IFT80: variants seen among roughly 807,000 people sequenced by gnomAD.
IFT80 encodes the protein intraflagellar transport 80, also known as intraflagellar transport protein 80 homolog.
IFT80 carries 79 observed loss-of-function variants against 107.9 expected under a neutral mutation model. The observed-to-expected ratio is 0.73, with a 90% CI of 0.61 to 0.88. The LOEUF is 0.88. IFT80 is among the 40% of genes least tolerant of loss of function. IFT80 has a pLI of 0.00. For synonymous variants in IFT80, 299 were observed against 300.9 expected (o/e 0.99, Z 0.07); for missense variants, 797 against 914.2 (o/e 0.87, Z 1.65).
intron 1 of IFT80, among the ~76,000 whole-genome samples, chr3:160,398,302 G>A (rs181074984): frequency 1.8e-4 from 27 of 152,086 alleles, no homozygotes; most frequent in African/African-American, 6.0e-4. Flanking sequence ...CTCTTCCAGG[G>A]AAGAACCATA....
At chr3:160,314,184 A>C (rs1019945221) in intron 9 of IFT80, among the ~76,000 whole-genome samples, 10 of 152,206 alleles carry the variant, frequency 6.6e-5, no homozygotes, top group Non-Finnish European at 1.0e-4. Flanking sequence ...TCTTATTTTT[A>C]CAAGACATAA....
intron 8 of IFT80, among the ~76,000 whole-genome samples, chr3:160,352,292 C>T (rs1476740044): frequency 6.6e-6 from 1 of 152,156 alleles, no homozygotes; most frequent in African/African-American, 2.4e-5. Context: ...CCACGCCCGG[C>T]CCCCAACAGT....
In IFT80 at chr3:160,270,154, C is replaced by T. The variant is rs548125051; in HGVS notation, c.2100-1618G>A. 1.2e-4 allele frequency among the ~76,000 whole-genome samples: 18 copies of T among 152,348 alleles called. No individual in the cohort carries two copies. The South Asian group carries it at 3.5e-3, about 30-fold the overall frequency. On this transcript the variant is annotated intron_variant, in intron 18 of 19. Coordinates refer to ENST00000326448, the MANE Select transcript of IFT80 (RefSeq NM_020800.3). ...TAGCTGGGAATACAGGCATCCGCCA[C>T]CATACCCAATTAATTTTTGTATTTT...
At chr3:160,333,951 C>T (rs944616913) in intron 8 of IFT80, among the ~76,000 whole-genome samples, 21 of 152,206 alleles carry the variant, frequency 1.4e-4, no homozygotes, top group African/African-American at 5.1e-4. Flanking sequence ...CCAGCATCAA[C>T]ACAAACACAT....
intron 19 of IFT80, among the ~76,000 whole-genome samples, chr3:160,264,486 G>A (rs1032435074): frequency 6.6e-6 from 1 of 151,086 alleles, no homozygotes; most frequent in Non-Finnish European, 1.5e-5. Flanking sequence ...GTAGTGGCAC[G>A]ACCTCAGCTA....
intron 12 of IFT80, among the ~76,000 whole-genome samples, chr3:160,286,376 C>G (rs1050780263): frequency 2.6e-5 from 4 of 152,160 alleles, no homozygotes; most frequent in Admixed American, 2.6e-4. Context: ...TCTTCCCCTT[C>G]TTAAGGGAAA....
At position 160,310,275 on chromosome 3, in the gene IFT80, A is replaced by C. The variant is rs533331165; in HGVS notation, c.958-2494T>G. Among the ~76,000 whole-genome samples the C allele has an allele frequency of 3.3e-5, 5 of 152,374 alleles. No homozygotes were observed. The East Asian group carries it at 5.8e-4, about 18-fold the overall frequency. ...ATCAGTCAAAAGAACATAGGAGCCA[A>C]CTGGCCAAAGATGAGACAATTTGAG... is the stretch of plus-strand genomic sequence containing the variant. On this transcript the variant is annotated intron_variant, in intron 9 of 19. Transcript: ENST00000326448.
chr3:160,367,389 AAATT>A (rs776510156), intron 5 of IFT80, among the ~76,000 whole-genome samples: 1 of 152,140 alleles, frequency 6.6e-6, no homozygotes, highest in Non-Finnish European at 1.5e-5. Flanking sequence ...CTCACCTTAT[AAATT>A]AATTATCATA....
intron 8 of IFT80, 37 bp from the exon 9 acceptor site, chr3:160,319,976 GA>G (rs775491508): frequency 3.2e-6 from 5 of 1,569,876 alleles, no homozygotes; most frequent in Non-Finnish European, 3.5e-6. Context: ...TGGACTTACT[GA>G]AAAAAAATTT....
chr3:160,283,188 C>T (rs1714826068), intron 13 of IFT80, among the ~76,000 whole-genome samples: 1 of 152,106 alleles, frequency 6.6e-6, no homozygotes, highest in African/African-American at 2.4e-5. Context: ...CAGAAAAAGC[C>T]AGTGTCAAGT....
intron 14 of IFT80, among the ~76,000 whole-genome samples, chr3:160,281,405 C>T (rs1714682016): frequency 6.6e-6 from 1 of 152,142 alleles, no homozygotes; most frequent in Non-Finnish European, 1.5e-5. Context: ...GGGTCTTGGA[C>T]TCTTGAGGGT....
chr3:160,388,656 G>T (rs961604867), intron 1 of IFT80, among the ~76,000 whole-genome samples: 5 of 150,120 alleles, frequency 3.3e-5, no homozygotes, highest in Admixed American at 2.7e-4. Flanking sequence ...AATATATATA[G>T]AGAGAAAACG....
intron 6 of IFT80, among the ~76,000 whole-genome samples, chr3:160,365,665 G>C (rs1721814359): frequency 6.6e-6 from 1 of 152,010 alleles, no homozygotes; most frequent in South Asian, 2.1e-4. Context: ...GCTGATATTA[G>C]TGTCACTAAC....
Position 160,264,263 on chromosome 3 carries a change from C to T in IFT80, c.2223+4150G>A, listed in dbSNP as rs1288086514. Among the ~76,000 whole-genome samples, 7 of 150,562 alleles carry T rather than the reference C, an allele frequency of 4.6e-5. No individual in the cohort carries two copies. The South Asian group carries it at 1.3e-3, about 27-fold the overall frequency. ...TAGCTGGAACTACAGGTACATGCCA[C>T]CATGCCCAGTTACTTTTTTTTTTTG... On this transcript the variant is annotated intron_variant, in intron 19 of 19. Transcript: ENST00000326448.
rs56031662 is a variant in IFT80 at position 160,368,359 on chromosome 3, CAAAAAAAAAAA to C, written c.440-2218_440-2208del. Among the ~76,000 whole-genome samples, 3 of 90,638 alleles carry C rather than the reference CAAAAAAAAAAA, an allele frequency of 3.3e-5. No individual in the cohort carries two copies. In the East Asian group the frequency reaches 1.1e-3, roughly 33 times the overall value. 59.5% of individuals were successfully genotyped at this position (90,638 alleles called of 152,430 possible). A position where few individuals can be genotyped will look rare whatever the true frequency, so the allele number is the denominator to read the frequency against. ...TAGAAAGTCTAATCTAGACCCAGTCCAAAAAAAAAAAAAAAAAAAACCCTGAAACATGTCTT... is the reference window on the plus strand; with the variant it reads ...TAGAAAGTCTAATCTAGACCCAGTCCAAAAAAAAACCCTGAAACATGTCTT... On this transcript the variant is annotated intron_variant, in intron 5 of 19. Transcript: ENST00000326448.
chr3:160,286,693 A>G (rs923324476), intron 12 of IFT80, among the ~76,000 whole-genome samples: 3 of 152,176 alleles, frequency 2.0e-5, no homozygotes, highest in Non-Finnish European at 4.4e-5. Flanking sequence ...ATTTTGGGGT[A>G]TCAGTTTCTA....
intron 19 of IFT80, among the ~76,000 whole-genome samples, chr3:160,262,022 C>T (rs1712882882): frequency 6.6e-6 from 1 of 152,138 alleles, no homozygotes; most frequent in African/African-American, 2.4e-5. Context: ...CTTTCTTTCT[C>T]TCTCTTTTTT....
intron 9 of IFT80, among the ~76,000 whole-genome samples, chr3:160,311,279 T>A (rs1224921020): frequency 6.6e-6 from 1 of 152,214 alleles, no homozygotes; most frequent in Admixed American, 6.5e-5. Flanking sequence ...AGAAGTTGTT[T>A]CAGATTTAAA....
At chr3:160,379,413 A>C (rs974036902) in intron 3 of IFT80, among the ~76,000 whole-genome samples, 3 of 152,214 alleles carry the variant, frequency 2.0e-5, no homozygotes, top group Admixed American at 1.3e-4. Context: ...ATAGCATTGC[A>C]TCAGTGTTAA....
Sources: gnomAD v4.1 joint callset for allele counts (sites outside exome capture counted in the v4.1 genomes callset) on GRCh38, gnomAD v4.1.1 for gene constraint, MANE v1.5 for transcripts, NCBI Gene and HGNC (gene_info 2026-07-23, HGNC 2026-07-21) for gene names.